Variants in CADPS2 observed in about 807,000 individuals in gnomAD.
The protein encoded by CADPS2 is calcium-dependent secretion activator 2.
Under a neutral mutation model 172.5 loss-of-function variants are expected in CADPS2, and 93 were observed. The observed-to-expected ratio is 0.54, with a 90% CI of 0.46 to 0.64. The LOEUF (loss-of-function observed/expected upper bound fraction) is 0.64, where lower values mean the gene tolerates loss of function less well. Ranked by LOEUF, CADPS2 falls within the 30% of genes least tolerant of loss-of-function variation. The probability of loss-of-function intolerance (pLI) is 0.00; values close to 1 mark genes in which losing one functional copy is unlikely to be tolerated. For missense variants in CADPS2, 1,420 were observed against 1,565.9 expected, an observed-to-expected ratio of 0.91 and a Z score of 1.57; for synonymous variants, 546 against 555.2, an observed-to-expected ratio of 0.98 and a Z score of 0.23.
chr7:122,404,140 C>T (rs1045119517), intron 20 of CADPS2, among the ~76,000 whole-genome samples: 10 of 152,084 alleles, frequency 6.6e-5, no homozygotes, highest in Non-Finnish European at 1.3e-4. Context: ...TATCCCTCCC[C>T]CCTCTCCCCA....
At chr7:122,406,016 C>T (rs562160040) in intron 20 of CADPS2, among the ~76,000 whole-genome samples, 4 of 152,238 alleles carry the variant, frequency 2.6e-5, no homozygotes, top group South Asian at 4.1e-4. Flanking sequence ...GACAGAGAGA[C>T]GTGAATCTGT....
At chr7:122,527,113 G>T (rs2061299910) in intron 8 of CADPS2, among the ~76,000 whole-genome samples, 1 of 152,154 alleles carries the variant, frequency 6.6e-6, no homozygotes, top group Non-Finnish European at 1.5e-5. Flanking sequence ...AGTATATTTA[G>T]ATCAAGAGTA....
chr7:122,412,735 G>A (rs973157671), intron 19 of CADPS2: 7 of 152,130 alleles, frequency 4.6e-5, no homozygotes, highest in East Asian at 3.9e-4. Context: ...GACTTGAGTC[G>A]TGCTCATATT....
At chr7:122,482,354 T>C (rs2057392607) in intron 11 of CADPS2, among the ~76,000 whole-genome samples, 1 of 152,110 alleles carries the variant, frequency 6.6e-6, no homozygotes, top group African/African-American at 2.4e-5. Flanking sequence ...GGGAGACTAT[T>C]GATACCTAGT....
chr7:122,437,540 G>T (rs2050783308), intron 17 of CADPS2, among the ~76,000 whole-genome samples: 1 of 151,824 alleles, frequency 6.6e-6, no homozygotes, highest in Non-Finnish European at 1.5e-5. Flanking sequence ...TTTATTTTCA[G>T]GTAAGAAACT....
intron 2 of CADPS2, among the ~76,000 whole-genome samples, chr7:122,666,124 T>C (rs1331400695): frequency 6.6e-6 from 1 of 152,192 alleles, no homozygotes; most frequent in Non-Finnish European, 1.5e-5. Flanking sequence ...CAATTTAAAA[T>C]TATATTCACA....
intron 1 of CADPS2, among the ~76,000 whole-genome samples, chr7:122,791,793 A>G (rs1795344227): frequency 6.6e-6 from 1 of 152,230 alleles, no homozygotes; most frequent in Admixed American, 6.5e-5. Context: ...GAAATTACCA[A>G]TAAAAAAGGT....
intron 28 of CADPS2, among the ~76,000 whole-genome samples, chr7:122,337,274 C>T (rs1312284037): frequency 2.0e-5 from 3 of 152,168 alleles, no homozygotes; most frequent in African/African-American, 7.2e-5. Context: ...CCTGTTTAAG[C>T]CTCTGTTGTT....
At chr7:122,674,502 G>A (rs2082202225) in intron 2 of CADPS2, among the ~76,000 whole-genome samples, 1 of 152,208 alleles carries the variant, frequency 6.6e-6, no homozygotes, top group Non-Finnish European at 1.5e-5. Context: ...TACCAAAGAA[G>A]TCACTGAATA....
At chr7:122,679,806 C>T (rs546434849) in intron 2 of CADPS2, among the ~76,000 whole-genome samples, 3 of 152,292 alleles carry the variant, frequency 2.0e-5, no homozygotes, top group South Asian at 2.1e-4. Context: ...ATTGAAATAT[C>T]GGGGGCTGAA....
At chr7:122,440,905 G>A (rs1465184090) in intron 16 of CADPS2, among the ~76,000 whole-genome samples, 1 of 152,130 alleles carries the variant, frequency 6.6e-6, no homozygotes, top group African/African-American at 2.4e-5. Context: ...AACTTCAGTT[G>A]TCATAAAAAT....
At chr7:122,435,813 A>T (rs1169731626) in intron 17 of CADPS2, among the ~76,000 whole-genome samples, 1 of 152,134 alleles carries the variant, frequency 6.6e-6, no homozygotes, top group Non-Finnish European at 1.5e-5. Context: ...ATACAATAGA[A>T]TATTATTCAG....
At chr7:122,538,913 G>C (rs931725354) in intron 8 of CADPS2, among the ~76,000 whole-genome samples, 1 of 151,978 alleles carries the variant, frequency 6.6e-6, no homozygotes, top group Non-Finnish European at 1.5e-5. Context: ...AGACACTGTG[G>C]TATGCCAGGT....
chr7:122,692,285 C>G (rs534187851), intron 2 of CADPS2, among the ~76,000 whole-genome samples: 1 of 152,198 alleles, frequency 6.6e-6, no homozygotes, highest in East Asian at 1.9e-4. Flanking sequence ...GGGGAGGGTC[C>G]CTAGGCTCAC....
chr7:122,628,966 G>A (rs1485792624), intron 4 of CADPS2, among the ~76,000 whole-genome samples: 1 of 151,290 alleles, frequency 6.6e-6, no homozygotes, highest in East Asian at 1.9e-4. Flanking sequence ...TCTAGATCTG[G>A]CAGTTTGAGA....
intron 7 of CADPS2, among the ~76,000 whole-genome samples, chr7:122,567,409 C>T (rs1238664286): frequency 1.3e-5 from 2 of 152,124 alleles, no homozygotes; most frequent in Non-Finnish European, 2.9e-5. Flanking sequence ...CTAAGGATTA[C>T]AAAAGCATCG....
intron 20 of CADPS2, among the ~76,000 whole-genome samples, chr7:122,406,313 A>C (rs1226517081): frequency 6.6e-6 from 1 of 152,242 alleles, no homozygotes; most frequent in African/African-American, 2.4e-5. Context: ...TTACAACCAG[A>C]AAGATATAGC....
At chr7:122,687,746 T>A (rs768917976) in intron 2 of CADPS2, among the ~76,000 whole-genome samples, 1 of 152,128 alleles carries the variant, frequency 6.6e-6, no homozygotes, top group Non-Finnish European at 1.5e-5. Context: ...AAATATCTTA[T>A]AACATAGTAC....
In CADPS2 at chr7:122,345,567, T is replaced by C; in HGVS notation, c.3612+7A>G. On this transcript the variant is annotated splice_region_variant and intron_variant, in intron 28 of 29. Transcript: ENST00000449022. ...TGTCAGCATACCTTGCAAGGGAAGC[T>C]ACTTACATCAAATAACTTTTCTATA... 1 of 1,527,594 alleles carries C rather than the reference T, an allele frequency of 6.5e-7. No individual in the cohort carries two copies. Among genetic ancestry groups the C allele is most frequent in the Non-Finnish European group, 9.1e-7 (1 of 1,104,100 alleles). The allele number at this position is 1,527,594 out of a possible 1,614,324, so 94.6% of individuals were successfully genotyped here.
Sources: allele counts gnomAD v4.1 joint callset (sites outside exome capture counted in the v4.1 genomes callset), GRCh38; gene constraint gnomAD v4.1.1; transcripts MANE v1.5; gene names NCBI Gene and HGNC (gene_info 2026-07-23, HGNC 2026-07-21).